The following UBE2O variants were observed in gnomAD, a reference collection of about 807,000 sequenced individuals.
UBE2O encodes (E3-independent) E2 ubiquitin-conjugating enzyme.
In UBE2O, 15 loss-of-function variants were observed where a neutral mutation model predicts 125.8. That is an observed-to-expected ratio of 0.12 (90% CI 0.08 to 0.18). UBE2O has a LOEUF of 0.18. Ranked by LOEUF, UBE2O falls within the 10% of genes least tolerant of loss-of-function variation. UBE2O has a pLI of 1.00. For synonymous variants in UBE2O, 708 were observed against 703.2 expected (o/e 1.01, Z -0.11); for missense variants, 1,280 against 1,723.6 (o/e 0.74, Z 4.56).
At chr17:76,426,063 T>C (rs2072805601) in intron 1 of UBE2O, among the ~76,000 whole-genome samples, 1 of 152,194 alleles carries the variant, frequency 6.6e-6, no homozygotes, top group Admixed American at 6.5e-5. Context: ...AGTGTAGTGG[T>C]GTGATCATGG....
At chr17:76,416,057 A>G (rs1452007672) in intron 1 of UBE2O, among the ~76,000 whole-genome samples, 3 of 151,808 alleles carry the variant, frequency 2.0e-5, no homozygotes, top group Non-Finnish European at 2.9e-5. Context: ...ATATGTACAT[A>G]CACGTATATA....
Position 76,405,156 on chromosome 17 carries a change from A to G in UBE2O, c.588+50T>C. On this transcript the variant is annotated intron_variant, in intron 3 of 17. Transcript: ENST00000319380. The surrounding 1 kb of genome is among the most constrained non-coding windows in gnomAD (Gnocchi z 6.1). ...CTGTAGCCCAGAGGTCGTGCCGCCG[A>G]GAGAACCAGAGGGCCCAGAAAGGAT... 7.0e-7 allele frequency: 1 copy of G among 1,425,374 alleles called. No homozygotes were observed. Among genetic ancestry groups the G allele is most frequent in the South Asian group, 1.2e-5 (1 of 80,146 alleles). The allele number at this position is 1,425,374 out of a possible 1,614,324, so 88.3% of individuals were successfully genotyped here. A position where few individuals can be genotyped will look rare whatever the true frequency, so the allele number is the denominator to read the frequency against.
intron 1 of UBE2O, among the ~76,000 whole-genome samples, chr17:76,418,480 G>T (rs998774302): frequency 6.6e-6 from 1 of 152,138 alleles, no homozygotes; most frequent in South Asian, 2.1e-4. Context: ...AGGAAGTTTA[G>T]ATATTCAATT....
Position 76,398,443 on chromosome 17 carries a change from C to A in UBE2O, c.1896+29G>T. 2 of 1,614,086 alleles carry A rather than the reference C, an allele frequency of 1.2e-6. No individual in the cohort carries two copies. The highest frequency in any genetic ancestry group is 1.7e-6 in the Non-Finnish European group (2 of 1,179,970). The stretch of plus-strand genomic sequence containing the variant: ...TCCTACACCCAACCCCAGAGCCCAC[C>A]TGAAGCAAGCAGTAGGGGCTGCACA... On this transcript the variant is annotated intron_variant, in intron 11 of 17. Coordinates refer to ENST00000319380, the MANE Select transcript of UBE2O (RefSeq NM_022066.4). This position sits in a 1 kb window ranked among gnomAD's most constrained non-coding sequence, Gnocchi z 5.4.
At chr17:76,444,911 TTG>T (rs1270210678) in intron 1 of UBE2O, among the ~76,000 whole-genome samples, 2 of 152,200 alleles carry the variant, frequency 1.3e-5, no homozygotes, top group Non-Finnish European at 2.9e-5. Flanking sequence ...GGAGACGTAT[TTG>T]TGTGTCTACA....
In UBE2O at chr17:76,402,552, C is replaced by G; in HGVS notation, c.686+50G>C. Reference sequence around the variant, plus strand: ...AAACACCCTCCTCCTCCCCTCTTTCCAAGAGGCTATCCTTCCCAAGCCGAT... The same window carrying G: ...AAACACCCTCCTCCTCCCCTCTTTCGAAGAGGCTATCCTTCCCAAGCCGAT... On this transcript the variant is annotated intron_variant, in intron 4 of 17. Transcript: ENST00000319380. This position sits in a 1 kb window ranked among gnomAD's most constrained non-coding sequence, Gnocchi z 5.4. 1 of 1,510,092 alleles carries G rather than the reference C, an allele frequency of 6.6e-7. No individual in the cohort carries two copies. The highest frequency in any genetic ancestry group is 9.2e-7 in the Non-Finnish European group (1 of 1,085,268). The allele number at this position is 1,510,092 out of a possible 1,614,324, so 93.5% of individuals were successfully genotyped here. A position where few individuals can be genotyped will look rare whatever the true frequency, so the allele number is the denominator to read the frequency against.
intron 5 of UBE2O, among the ~76,000 whole-genome samples, chr17:76,401,462 G>A (rs1403459395): frequency 6.6e-6 from 1 of 152,114 alleles, no homozygotes; most frequent in Non-Finnish European, 1.5e-5. Context: ...CGCACCCCCT[G>A]TATATCTACT....
At position 76,405,166 on chromosome 17, in the gene UBE2O, A is replaced by C; in HGVS notation, c.588+40T>G. On this transcript the variant is annotated intron_variant, in intron 3 of 17. Coordinates refer to ENST00000319380, the MANE Select transcript of UBE2O (RefSeq NM_022066.4). The surrounding 1 kb of genome is among the most constrained non-coding windows in gnomAD (Gnocchi z 6.1). ...GAGGTCGTGCCGCCGAGAGAACCAGAGGGCCCAGAAAGGATGATGAGAAGA... is the reference window on the plus strand; with the variant it reads ...GAGGTCGTGCCGCCGAGAGAACCAGCGGGCCCAGAAAGGATGATGAGAAGA... 2.8e-5 allele frequency: 40 copies of C among 1,431,034 alleles called. No homozygotes were observed. The highest frequency in any genetic ancestry group is 4.2e-5 in the African/African-American group (3 of 70,750). The allele number at this position is 1,431,034 out of a possible 1,614,324, so 88.6% of individuals were successfully genotyped here. A position where few individuals can be genotyped will look rare whatever the true frequency, so the allele number is the denominator to read the frequency against.
In UBE2O at chr17:76,396,215, C is replaced by T; in HGVS notation, c.2722G>A (p.Val908Met). ...VKAEWPSETP[V>M]LCQQCGGKPG... ...TTGCCGCCACACTGCTGGCACAGCA[C>T]CGGGGTTTCGCTGGGCCACTCAGCC... Residue 908 changes from valine (V) to methionine (M), a missense_variant, in exon 14 of 18, where the codon GTG becomes ATG. By Grantham distance (21) the Val-to-Met change is conservative. Transcript: ENST00000319380. The surrounding 1 kb of genome is among the most constrained non-coding windows in gnomAD (Gnocchi z 6.7). 1 of 1,614,176 alleles carries T rather than the reference C, an allele frequency of 6.2e-7. No individual in the cohort carries two copies. The highest frequency in any genetic ancestry group is 8.5e-7 in the Non-Finnish European group (1 of 1,180,048).
At position 76,452,295 on chromosome 17, in the gene UBE2O, C is replaced by A. The variant is rs1274741236; in HGVS notation, c.417+430G>T. Among the ~76,000 whole-genome samples, 1 of 152,328 alleles carries A rather than the reference C, an allele frequency of 6.6e-6. No homozygotes were observed. Among genetic ancestry groups the A allele is most frequent in the Non-Finnish European group, 1.5e-5 (1 of 68,032 alleles). On this transcript the variant is annotated intron_variant, in intron 1 of 17. Coordinates refer to ENST00000319380, the MANE Select transcript of UBE2O (RefSeq NM_022066.4). The surrounding 1 kb of genome is among the most constrained non-coding windows in gnomAD (Gnocchi z 4.4). ...TATCTTTGTTTTGGAATGCCCACAA[C>A]CCCTCCCTGCACGGACCCGGCACGG...
At chr17:76,433,925 T>G (rs548646634) in intron 1 of UBE2O, among the ~76,000 whole-genome samples, 226 of 152,272 alleles carry the variant, frequency 1.5e-3, no homozygotes, top group Admixed American at 3.8e-3. Flanking sequence ...CCAGCTACAG[T>G]GTTTCCTGTA....
intron 15 of UBE2O, among the ~76,000 whole-genome samples, chr17:76,393,476 GCCCAC>G (rs1334831161): frequency 1.3e-5 from 2 of 151,640 alleles, no homozygotes; most frequent in Non-Finnish European, 2.9e-5. Context: ...CTTGTGATCC[GCCCAC>G]CTTGGCCTCC....
rs2072492294 is a variant in UBE2O at position 76,410,193 on chromosome 17, G to A, written c.418-4621C>T. ...CTGAGCAAGATGGAAGCCCCTGAAG[G>A]CCTCCACTCAGAGCCCTGCCTGATG... On this transcript the variant is annotated intron_variant, in intron 1 of 17. Transcript: ENST00000319380. This position sits in a 1 kb window ranked among gnomAD's most constrained non-coding sequence, Gnocchi z 4.0. Among the ~76,000 whole-genome samples, 1 of 152,086 alleles carries A rather than the reference G, an allele frequency of 6.6e-6. No individual in the cohort carries two copies. The highest frequency in any genetic ancestry group is 6.6e-5 in the Admixed American group (1 of 15,262).
intron 1 of UBE2O, among the ~76,000 whole-genome samples, chr17:76,445,803 C>T (rs1387617473): frequency 6.6e-6 from 1 of 152,246 alleles, no homozygotes; most frequent in Non-Finnish European, 1.5e-5. Context: ...CTGGCTATAA[C>T]TGCACACATC....
At chr17:76,418,477 T>C (rs447921) in intron 1 of UBE2O, among the ~76,000 whole-genome samples, 130,157 of 152,244 alleles carry the variant, frequency 0.85, 55,873 homozygotes, top group East Asian at 1. Context: ...TGGAGGAAGT[T>C]TAGATATTCA....
rs886364734 is a variant in UBE2O, at chr17:76,399,975, G to A, written c.1156-54C>T. The A allele has an allele frequency of 6.5e-7, 1 of 1,548,388 alleles. No individual in the cohort carries two copies. Among genetic ancestry groups the A allele is most frequent in the African/African-American group, 1.4e-5 (1 of 73,040 alleles). ...CTGTGAGGTGCACCTGGGCAGGCCT[G>A]GCCCTAGGCATCTCAGGCTGGGGGG... On this transcript the variant is annotated intron_variant, in intron 8 of 17. Coordinates refer to ENST00000319380, the MANE Select transcript of UBE2O (RefSeq NM_022066.4). This position sits in a 1 kb window ranked among gnomAD's most constrained non-coding sequence, Gnocchi z 6.9.
In UBE2O at chr17:76,395,606, G is replaced by T. The variant is rs1190924335; in HGVS notation, c.2946+119C>A. On this transcript the variant is annotated intron_variant, in intron 15 of 17. Coordinates refer to ENST00000319380, the MANE Select transcript of UBE2O (RefSeq NM_022066.4). This position sits in a 1 kb window ranked among gnomAD's most constrained non-coding sequence, Gnocchi z 5.0. ...GACCGCCCCTGTAAAAGGTGGGTGG[G>T]TGAGTGTCCTCGCAGGTGCCAGTCA... is the stretch of plus-strand genomic sequence containing the variant. 4 of 1,272,472 alleles carry T rather than the reference G, an allele frequency of 3.1e-6. No homozygotes were observed. The Admixed American group carries it at 6.9e-5, about 22-fold the overall frequency. The allele number at this position is 1,272,472 out of a possible 1,614,324, so 78.8% of individuals were successfully genotyped here. A position where few individuals can be genotyped will look rare whatever the true frequency, so the allele number is the denominator to read the frequency against.
At chr17:76,425,889 C>T (rs538273754) in intron 1 of UBE2O, among the ~76,000 whole-genome samples, 4 of 152,310 alleles carry the variant, frequency 2.6e-5, no homozygotes, top group African/African-American at 9.6e-5. Context: ...TTTCCTCTGC[C>T]GCTCACCTGT....
At chr17:76,426,561 T>C (rs906100514) in intron 1 of UBE2O, among the ~76,000 whole-genome samples, 1 of 152,246 alleles carries the variant, frequency 6.6e-6, no homozygotes, top group Non-Finnish European at 1.5e-5. Context: ...CTCTGTGAGT[T>C]TGAAAGCTTT....
Sources: allele counts gnomAD v4.1 joint callset (sites outside exome capture counted in the v4.1 genomes callset), GRCh38; gene constraint gnomAD v4.1.1; non-coding constraint Gnocchi (gnomAD v3.1); transcripts MANE v1.5; gene names NCBI Gene and HGNC (gene_info 2026-07-23, HGNC 2026-07-21).